The following SPATA6L variants were observed in gnomAD, a reference collection of about 807,000 sequenced individuals.
The protein encoded by SPATA6L is spermatogenesis associated 6-like protein.
A neutral mutation model predicts 49.2 loss-of-function variants in SPATA6L; 68 were observed. The observed-to-expected ratio is 1.38, with a 90% confidence interval of 1.14 to 1.69. The LOEUF is 1.69. Among genes scored for constraint, SPATA6L ranks in the 40% most tolerant of loss-of-function variants. The pLI is 0.00. For missense variants in SPATA6L, 668 were observed against 464.3 expected (o/e 1.44, Z -4.03); for synonymous variants, 198 against 165.7 (o/e 1.19, Z -1.50).
chr9:4,594,349 A>C (rs1822099903), downstream of SPATA6L, among the ~76,000 whole-genome samples: 1 of 152,174 alleles, frequency 6.6e-6, no homozygotes, highest in African/African-American at 2.4e-5. Flanking sequence ...AGCTGGGACT[A>C]CAGGCGCCCG....
chr9:4,625,559 C>A lies in SPATA6L; in HGVS notation c.437G>T (p.Arg146Ile). 6.6e-7 allele frequency: 1 copy of A among 1,519,642 alleles called. No individual in the cohort carries two copies. Among genetic ancestry groups the A allele is most frequent in the Non-Finnish European group, 8.8e-7 (1 of 1,135,710 alleles). 94.1% of individuals were successfully genotyped at this position (1,519,642 alleles called of 1,614,324 possible). ...AGATAAAGGCCTCCGTGACTCATGT[C>A]TTTCTTCCTGAAATAAACAAAAAAA... ...FLHRNRFLEE[R>I]HESRRPLSTS... The change falls in exon 6 of 12, where the codon AGA (arginine) becomes ATA (isoleucine). Residue 146 changes from arginine (R) to isoleucine (I), a missense_variant. Transcript: ENST00000682582.
At chr9:4,642,914 T>C (rs77188152) in intron 3 of SPATA6L, among the ~76,000 whole-genome samples, 8,189 of 152,212 alleles carry the variant, frequency 0.054, 326 homozygotes, top group Middle Eastern at 0.088. Context: ...AATCATAATA[T>C]GGGAAAATGA....
intron 3 of SPATA6L, among the ~76,000 whole-genome samples, chr9:4,638,607 G>A (rs1400990397): frequency 1.3e-5 from 2 of 152,040 alleles, no homozygotes; most frequent in East Asian, 3.9e-4. Context: ...TCCCTGTGAT[G>A]GGTATAATCC....
downstream of SPATA6L, chr9:4,596,463 GTCA>G (rs1281227429): frequency 1.3e-5 from 2 of 152,192 alleles, no homozygotes. Context: ...GTTCCTGGAA[GTCA>G]TCCCAATAAA....
rs1586979676 is a variant in SPATA6L at position 4,606,892 on chromosome 9, T to G, written c.996-1452A>C. On this transcript the variant is annotated intron_variant, in intron 9 of 11. Transcript: ENST00000682582. Reference sequence around the variant, plus strand: ...ACCAAAGGCAAAGAAGCTGAAAACTTTGAAAAAAATTTAGAAGAATGTATA... The same window carrying G: ...ACCAAAGGCAAAGAAGCTGAAAACTGTGAAAAAAATTTAGAAGAATGTATA... 1.5e-4 allele frequency among the ~76,000 whole-genome samples: 21 copies of G among 141,890 alleles called. 1 individual carries two copies. In the South Asian group the frequency reaches 4.7e-3, roughly 32 times the overall value. 93.1% of individuals were successfully genotyped at this position (141,890 alleles called of 152,430 possible). A position where few individuals can be genotyped will look rare whatever the true frequency, so the allele number is the denominator to read the frequency against.
chr9:4,611,654 G>T (rs1386344241), intron 9 of SPATA6L, among the ~76,000 whole-genome samples: 2 of 120,796 alleles, frequency 1.7e-5, no homozygotes, highest in South Asian at 3.5e-4. Flanking sequence ...GTTGTGGGGT[G>T]GGGGGAGGGG....
At chr9:4,603,332 A>G (rs1477850526) in intron 11 of SPATA6L, among the ~76,000 whole-genome samples, 1 of 152,196 alleles carries the variant, frequency 6.6e-6, no homozygotes, top group Non-Finnish European at 1.5e-5. Context: ...CAGGAGGCTG[A>G]GGCAGGAGAA....
At chr9:4,653,945 C>A (rs1336821127) in intron 3 of SPATA6L, among the ~76,000 whole-genome samples, 2 of 151,916 alleles carry the variant, frequency 1.3e-5, no homozygotes, top group Non-Finnish European at 2.9e-5. Flanking sequence ...TCAAAATAAA[C>A]CAAAAAATAA....
At chr9:4,595,988 T>G (rs1221772775), downstream of SPATA6L, among the ~76,000 whole-genome samples, 1 of 152,142 alleles carries the variant, frequency 6.6e-6, no homozygotes, top group South Asian at 2.1e-4. Context: ...GAGGATGGGG[T>G]GTTACATGCT....
intron 13 of SPATA6L, among the ~76,000 whole-genome samples, chr9:4,591,375 TA>T (rs949031346): frequency 6.6e-6 from 1 of 152,076 alleles, no homozygotes; most frequent in African/African-American, 2.4e-5. Flanking sequence ...GCCAAGGGCT[TA>T]AAAAAAATTA....
intron 9 of SPATA6L, among the ~76,000 whole-genome samples, chr9:4,615,277 T>A (rs574125866): frequency 1.4e-4 from 22 of 152,350 alleles, no homozygotes; most frequent in East Asian, 7.7e-4. Context: ...TTTTATTATT[T>A]TTTTTATATC....
chr9:4,617,831 C>A, intron 9 of SPATA6L, 92 bp downstream of exon 9: 1 of 1,109,808 alleles, frequency 9.0e-7, no homozygotes, highest in South Asian at 2.1e-5. Flanking sequence ...GCTGAATATT[C>A]CTAAGAAAGG....
At position 4,591,769 on chromosome 9, in the gene SPATA6L, C is replaced by A. The variant is rs180878633; in HGVS notation, c.*255-2808G>T. ...GAAAAAATTAGACATGCAAATAAGG[C>A]CGACTCAGCCTGCAAGGATATTTAG... On this transcript the variant is annotated intron_variant and NMD_transcript_variant, in intron 13 of 13. Coordinates refer to the SPATA6L transcript ENST00000461761. 7.2e-5 allele frequency among the ~76,000 whole-genome samples: 11 copies of A among 152,256 alleles called. No homozygotes were observed. In the East Asian group the frequency reaches 1.9e-3, roughly 27 times the overall value.
intron 5 of SPATA6L, chr9:4,627,615 A>T: frequency 3.6e-6 from 2 of 560,376 alleles, no homozygotes; most frequent in Non-Finnish European, 5.5e-6. Flanking sequence ...AAAGGATTTT[A>T]AGTGGCAACA....
rs574339848 is a variant in SPATA6L, at chr9:4,590,649, G to C, written c.*255-1688C>G. Among the ~76,000 whole-genome samples, 3 of 152,276 alleles carry C rather than the reference G, an allele frequency of 2.0e-5. No homozygotes were observed. In the East Asian group the frequency reaches 5.8e-4, roughly 29 times the overall value. ...TCTAGGGGATTTCCACTGCTTTCTAGAAGGCCCCAGCAGCCTGCAGCTGGG... is the reference window on the plus strand; with the variant it reads ...TCTAGGGGATTTCCACTGCTTTCTACAAGGCCCCAGCAGCCTGCAGCTGGG... On this transcript the variant is annotated intron_variant and NMD_transcript_variant, in intron 13 of 13. Transcript: ENST00000461761.
At chr9:4,591,910 C>G (rs1821926323) in intron 13 of SPATA6L, among the ~76,000 whole-genome samples, 1 of 152,172 alleles carries the variant, frequency 6.6e-6, no homozygotes, top group South Asian at 2.1e-4. Flanking sequence ...TAAGGCAAAT[C>G]AACGTCCAGT....
intron 3 of SPATA6L, among the ~76,000 whole-genome samples, chr9:4,647,086 ACCT>A (rs1451456667): frequency 6.6e-6 from 1 of 151,818 alleles, no homozygotes; most frequent in Non-Finnish European, 1.5e-5. Context: ...AAAGCATTTC[ACCT>A]CCTGAAAAGT....
At chr9:4,628,696 C>T in intron 5 of SPATA6L, 1 of 168,420 alleles carries the variant, frequency 5.9e-6, no homozygotes, top group Non-Finnish European at 1.3e-5. Context: ...ATCCACCTGC[C>T]TCGGCCTCCC....
chr9:4,629,517 A>G (rs1232517771), intron 4 of SPATA6L, among the ~76,000 whole-genome samples: 6 of 151,972 alleles, frequency 3.9e-5, no homozygotes, highest in African/African-American at 1.5e-4. Context: ...TCCAGTGTCC[A>G]TGATGTTAGC....
Sources: gnomAD v4.1 joint callset for allele counts (sites outside exome capture counted in the v4.1 genomes callset) on GRCh38, gnomAD v4.1.1 for gene constraint, MANE v1.5 for transcripts, NCBI Gene and HGNC (gene_info 2026-07-23, HGNC 2026-07-21) for gene names.